The following SH3GL2 variants were observed in gnomAD, a reference collection of about 807,000 sequenced individuals.
SH3GL2 encodes the protein SH3 domain containing GRB2 like 2, endophilin A1.
Under a neutral mutation model 46.0 loss-of-function variants are expected in SH3GL2, and 24 were observed. That is an observed-to-expected ratio of 0.52 (90% CI 0.38 to 0.73). SH3GL2 has a LOEUF of 0.73. Ranked by LOEUF, SH3GL2 falls within the 30% of genes least tolerant of loss-of-function variation. The pLI is 0.00. For synonymous variants in SH3GL2, 196 were observed against 147.1 expected (o/e 1.33, Z -2.40); for missense variants, 413 against 424.2 (o/e 0.97, Z 0.23).
intron 1 of SH3GL2, chr9:17,735,767 C>A: frequency 3.1e-6 from 3 of 979,966 alleles, no homozygotes; most frequent in Non-Finnish European, 3.6e-6. Flanking sequence ...GCAGCTCTTT[C>A]CACACATGGA....
chr9:17,754,474 C>T (rs1822933614), intron 2 of SH3GL2, among the ~76,000 whole-genome samples: 1 of 152,020 alleles, frequency 6.6e-6, no homozygotes, highest in Non-Finnish European at 1.5e-5. Context: ...GAGATCGAGA[C>T]CATCCTGGCT....
intron 1 of SH3GL2, among the ~76,000 whole-genome samples, chr9:17,700,812 C>T (rs1195232191): frequency 6.6e-6 from 1 of 152,132 alleles, no homozygotes; most frequent in Non-Finnish European, 1.5e-5. Flanking sequence ...AGGACTTAAA[C>T]ATATGGTATA....
intron 2 of SH3GL2, among the ~76,000 whole-genome samples, chr9:17,758,249 A>G (rs1028251740): frequency 2.6e-5 from 4 of 152,082 alleles, no homozygotes; most frequent in South Asian, 2.1e-4. Context: ...CATGAAGTCT[A>G]TCAAGTAATT....
At chr9:17,712,360 A>C (rs994333736) in intron 1 of SH3GL2, among the ~76,000 whole-genome samples, 2 of 151,758 alleles carry the variant, frequency 1.3e-5, no homozygotes, top group Non-Finnish European at 2.9e-5. Flanking sequence ...ATAATCTTGG[A>C]GACATCTCTA....
intron 4 of SH3GL2, 39 bp from the exon 5 acceptor site, chr9:17,787,341 C>T: frequency 6.3e-7 from 1 of 1,586,908 alleles, no homozygotes; most frequent in East Asian, 2.2e-5. Context: ...TGCATTTCAT[C>T]TTTATTCTGT....
intron 2 of SH3GL2, among the ~76,000 whole-genome samples, chr9:17,758,483 A>T (rs1417546440): frequency 7.0e-6 from 1 of 142,140 alleles, no homozygotes; most frequent in African/African-American, 2.6e-5. Flanking sequence ...AATCGCTTGA[A>T]CCTGGGAGGA....
rs1302865213 is a variant in SH3GL2, at chr9:17,760,541, C to T, written c.115-896C>T. On this transcript the variant is annotated intron_variant, in intron 2 of 8. Transcript: ENST00000380607. ...GGTACAGCAGGTTATGGAAAAGTTT[C>T]TCATAGTTGAAGGGGGAGCCTTTTA... 5.9e-5 allele frequency among the ~76,000 whole-genome samples: 9 copies of T among 152,070 alleles called. 1 individual carries two copies. The Middle Eastern group carries it at 0.017, about 289-fold the overall frequency.
intron 3 of SH3GL2, among the ~76,000 whole-genome samples, chr9:17,780,038 A>G (rs1823757570): frequency 6.6e-6 from 1 of 152,200 alleles, no homozygotes; most frequent in South Asian, 2.1e-4. Flanking sequence ...TGTCCAGACC[A>G]CATGCCAAAC....
In SH3GL2 at chr9:17,789,559, C is replaced by G; in HGVS notation, c.624+9C>G. 1 of 1,612,888 alleles carries G rather than the reference C, an allele frequency of 6.2e-7. No individual in the cohort carries two copies. Among genetic ancestry groups the G allele is most frequent in the Non-Finnish European group, 8.5e-7 (1 of 1,179,182 alleles). On this transcript the variant is annotated intron_variant, in intron 6 of 8. Transcript: ENST00000380607. ...ATCTCTTGGAGATGGATGTAAGTGACTCCTGTGGTTTTCAATTTAATCTTA... is the reference window on the plus strand; with the variant it reads ...ATCTCTTGGAGATGGATGTAAGTGAGTCCTGTGGTTTTCAATTTAATCTTA...
chr9:17,645,505 G>T (rs894383892), intron 1 of SH3GL2, among the ~76,000 whole-genome samples: 5 of 152,094 alleles, frequency 3.3e-5, no homozygotes, highest in African/African-American at 1.2e-4. Context: ...TGCAGTGGCT[G>T]GTACTGGTTT....
chr9:17,650,724 A>C (rs1202070086), intron 1 of SH3GL2, among the ~76,000 whole-genome samples: 2 of 152,244 alleles, frequency 1.3e-5, no homozygotes, highest in African/African-American at 4.8e-5. Context: ...TGATGGCTAA[A>C]GCCGACCTGA....
intron 1 of SH3GL2, among the ~76,000 whole-genome samples, chr9:17,703,977 G>C (rs535853815): frequency 2.3e-4 from 35 of 152,084 alleles, no homozygotes; most frequent in African/African-American, 5.5e-4. Context: ...AAAGCATTCA[G>C]ATAGGCAGAG....
At chr9:17,596,455 G>C (rs781645677) in intron 1 of SH3GL2, among the ~76,000 whole-genome samples, 12 of 151,982 alleles carry the variant, frequency 7.9e-5, no homozygotes, top group Non-Finnish European at 1.6e-4. Flanking sequence ...GAGTGCTCCT[G>C]TAAGATGTTC....
At chr9:17,673,983 A>G (rs1208166258) in intron 1 of SH3GL2, among the ~76,000 whole-genome samples, 2 of 152,134 alleles carry the variant, frequency 1.3e-5, no homozygotes, top group South Asian at 2.1e-4. Flanking sequence ...AGCTCCTTGA[A>G]TGGAGGGTCT....
intron 1 of SH3GL2, among the ~76,000 whole-genome samples, chr9:17,705,382 C>A (rs780048721): frequency 3.3e-5 from 5 of 151,974 alleles, no homozygotes; most frequent in Non-Finnish European, 7.4e-5. Flanking sequence ...CCCAGCAATC[C>A]CATATTGGGT....
intron 4 of SH3GL2, among the ~76,000 whole-genome samples, chr9:17,787,173 C>A (rs1214869204): frequency 1.3e-5 from 2 of 152,128 alleles, no homozygotes; most frequent in Non-Finnish European, 2.9e-5. Context: ...GAAAAAGTAA[C>A]TGTTCCATTC....
intron 1 of SH3GL2, among the ~76,000 whole-genome samples, chr9:17,650,291 A>G (rs1292103257): frequency 6.6e-6 from 1 of 152,236 alleles, no homozygotes; most frequent in Non-Finnish European, 1.5e-5. Context: ...AGAACGTGAT[A>G]TATCCTCTTT....
At chr9:17,728,741 TA>T (rs1414228696) in intron 1 of SH3GL2, among the ~76,000 whole-genome samples, 10 of 152,294 alleles carry the variant, frequency 6.6e-5, no homozygotes, top group African/African-American at 2.4e-4. Context: ...TTTTCTGTTC[TA>T]GTGTTGGTTT....
intron 1 of SH3GL2, among the ~76,000 whole-genome samples, chr9:17,631,259 C>T (rs1819415444): frequency 6.6e-6 from 1 of 152,160 alleles, no homozygotes; most frequent in Non-Finnish European, 1.5e-5. Flanking sequence ...TCTCATCCAT[C>T]CCCCTGTGGA....
Sources: allele counts gnomAD v4.1 joint callset (sites outside exome capture counted in the v4.1 genomes callset), GRCh38; gene constraint gnomAD v4.1.1; transcripts MANE v1.5; gene names NCBI Gene and HGNC (gene_info 2026-07-23, HGNC 2026-07-21).